Variants in ACTR6 observed in about 807,000 individuals in gnomAD.
ACTR6 encodes the protein actin-related protein 6.
In ACTR6, 50 loss-of-function variants were observed where a neutral mutation model predicts 52.5. The observed-to-expected ratio is 0.95, with a 90% CI of 0.76 to 1.20. ACTR6 has a LOEUF of 1.20. Among genes scored for constraint, ACTR6 ranks in the 50% most tolerant of loss-of-function variants. ACTR6 has a pLI of 0.00. For missense variants in ACTR6, 344 were observed against 472.4 expected (o/e 0.73, Z 2.52); for synonymous variants, 135 against 147.2 (o/e 0.92, Z 0.60).
At chr12:100,222,542 G>A (rs933330776) in intron 10 of ACTR6, among the ~76,000 whole-genome samples, 3 of 151,942 alleles carry the variant, frequency 2.0e-5, no homozygotes, top group Non-Finnish European at 2.9e-5. Context: ...ACAGGTATGA[G>A]CCACCATAAC....
chr12:100,212,378 A>G, intron 7 of ACTR6, 24 bp downstream of exon 7: 1 of 1,593,386 alleles, frequency 6.3e-7, no homozygotes. Flanking sequence ...CAATCTAAGA[A>G]TTGGAAAGTA....
intron 10 of ACTR6, among the ~76,000 whole-genome samples, 199 bp downstream of exon 10, chr12:100,220,345 C>G (rs2096127140): frequency 6.6e-6 from 1 of 152,112 alleles, no homozygotes; most frequent in African/African-American, 2.4e-5. Context: ...AAAGTGCCAG[C>G]CATAATGTTT....
At chr12:100,219,974 T>G (rs1305194550) in intron 9 of ACTR6, 34 bp from the exon 10 acceptor site, 14 of 1,607,506 alleles carry the variant, frequency 8.7e-6, no homozygotes, top group South Asian at 1.1e-5. Context: ...TCTAATGCCT[T>G]TTTTCCTTTC....
At chr12:100,209,964 G>C in intron 4 of ACTR6, 109 bp from the exon 5 acceptor site, 4 of 886,238 alleles carry the variant, frequency 4.5e-6, no homozygotes, top group South Asian at 3.8e-5. Flanking sequence ...CATTTTTCTT[G>C]TAATAAAGGG....
At position 100,210,488 on chromosome 12, in the gene ACTR6, G is replaced by A. The variant is rs1265003872; in HGVS notation, c.572+137G>A. The A allele has an allele frequency of 9.9e-6, 9 of 908,934 alleles. No individual in the cohort carries two copies. The East Asian group carries it at 2.4e-4, about 24-fold the overall frequency. 56.3% of individuals were successfully genotyped at this position (908,934 alleles called of 1,614,324 possible). A position where few individuals can be genotyped will look rare whatever the true frequency, so the allele number is the denominator to read the frequency against. On this transcript the variant is annotated intron_variant, in intron 6 of 10. Transcript: ENST00000188312. Reference sequence around the variant, plus strand: ...AATCCCAGCACATTGGGAGGCCGAGGTGGGTGCATCACTTGAGGCCAGGAG... The same window carrying A: ...AATCCCAGCACATTGGGAGGCCGAGATGGGTGCATCACTTGAGGCCAGGAG...
At chr12:100,219,160 TAAAAAAA>T (rs563553340) in intron 9 of ACTR6, among the ~76,000 whole-genome samples, 12 of 117,914 alleles carry the variant, frequency 1.0e-4, no homozygotes, top group Admixed American at 1.8e-4. Flanking sequence ...TTCCTCTCAT[TAAAAAAA>T]AAAAAAAAAA....
At position 100,220,162 on chromosome 12, in the gene ACTR6, T is replaced by C. The variant is rs1475252778; in HGVS notation, c.1061+16T>C. The C allele has an allele frequency of 2.5e-6, 4 of 1,603,742 alleles. No homozygotes were observed. Among genetic ancestry groups the C allele is most frequent in the African/African-American group, 1.3e-5 (1 of 74,716 alleles). On this transcript the variant is annotated intron_variant, in intron 10 of 10. Coordinates refer to ENST00000188312, the MANE Select transcript of ACTR6 (RefSeq NM_022496.5). ...TGCCTGAAAAGTAAGTGTTGTTTTA[T>C]ATAGAAACGAAACATGGAAGTCCAC... is the stretch of plus-strand genomic sequence containing the variant.
At position 100,204,961 on chromosome 12, in the gene ACTR6, C is replaced by A. The variant is rs2096113277; in HGVS notation, c.90C>A (p.Phe30Leu). The A allele has an allele frequency of 8.7e-6, 14 of 1,609,586 alleles. No homozygotes were observed. Among genetic ancestry groups the A allele is most frequent in the Non-Finnish European group, 1.1e-5 (13 of 1,176,524 alleles). ...ENVSVIPNCQ[F>L]RSKTARLKTF... ...CTAGGGTTATTCCTAATTGTCAGTT[C>A]CGGTCAAAAACAGCACGTCTTAAAA... The change falls in exon 2 of 11, where the codon TTC becomes TTA. Residue 30 changes from phenylalanine (F) to leucine (L), a missense_variant. Physicochemically the swap from Phe to Leu is conservative, Grantham distance 22 (BLOSUM62 0). Coordinates refer to ENST00000188312, the MANE Select transcript of ACTR6 (RefSeq NM_022496.5).
At position 100,205,036 on chromosome 12, in the gene ACTR6, T is replaced by C. The variant is rs768030046; in HGVS notation, c.165T>C (p.Phe55=). 8.8e-6 allele frequency: 14 copies of C among 1,591,114 alleles called. No individual in the cohort carries two copies. Among genetic ancestry groups the C allele is most frequent in the Admixed American group, 3.4e-5 (2 of 58,534 alleles). Residue 55 remains phenylalanine, a synonymous_variant, in exon 2 of 11, where the codon TTT becomes TTC. Coordinates refer to ENST00000188312, the MANE Select transcript of ACTR6 (RefSeq NM_022496.5). ...IDEIKDPSGL[F]YILPFQKGYL... ...AAATAAAAGACCCTTCTGGACTCTT[T>C]TACATCCTCCCTTTTCAAAAGGTAA...
intron 10 of ACTR6, 92 bp downstream of exon 10, chr12:100,220,238 G>A (rs879181674): frequency 2.1e-5 from 27 of 1,285,040 alleles, no homozygotes; most frequent in Non-Finnish European, 2.6e-5. Flanking sequence ...GCTCTCCCAC[G>A]GTGGCAGGTT....
intron 1 of ACTR6, chr12:100,201,182 T>A: frequency 7.3e-6 from 6 of 825,920 alleles, no homozygotes; most frequent in Non-Finnish European, 1.0e-5. Context: ...AATAGGCTTA[T>A]AGAGATGCGT....
chr12:100,202,641 G>A (rs1315309502), intron 1 of ACTR6, among the ~76,000 whole-genome samples: 1 of 152,100 alleles, frequency 6.6e-6, no homozygotes, highest in Non-Finnish European at 1.5e-5. Context: ...GGTGGATCAC[G>A]AGGTTAGGAG....
At chr12:100,207,205 C>T (rs772033280) in intron 3 of ACTR6, among the ~76,000 whole-genome samples, 3 of 151,920 alleles carry the variant, frequency 2.0e-5, no homozygotes, top group Admixed American at 6.6e-5. Context: ...AGGCATGCAC[C>T]GCCATGCCCT....
At chr12:100,205,292 T>C (rs188726229) in intron 2 of ACTR6, 93 of 346,654 alleles carry the variant, frequency 2.7e-4, no homozygotes, top group African/African-American at 1.5e-3. Context: ...TTTAAGAAAA[T>C]AAGTATAGGG....
chr12:100,216,412 C>T (rs1268687442), intron 8 of ACTR6, among the ~76,000 whole-genome samples: 4 of 152,254 alleles, frequency 2.6e-5, no homozygotes, highest in South Asian at 4.1e-4. Flanking sequence ...GTGATCCTCC[C>T]GCTTTGGCCT....
rs527577481 is a variant in ACTR6, at chr12:100,217,676, A to G, written c.751-739A>G. ...ATAGGCCTCATATAAAGTTAGCATT[A>G]TAAGGTAAGTTCAAGGATAAGGACC... On this transcript the variant is annotated intron_variant, in intron 8 of 10. Coordinates refer to ENST00000188312, the MANE Select transcript of ACTR6 (RefSeq NM_022496.5). 3.7e-4 allele frequency among the ~76,000 whole-genome samples: 56 copies of G among 152,332 alleles called. 1 individual carries two copies. Among genetic ancestry groups the G allele is most frequent in the Middle Eastern group, 6.8e-3 (2 of 294 alleles).
At chr12:100,208,956 A>C (rs1454466626) in intron 4 of ACTR6, 2 of 347,096 alleles carry the variant, frequency 5.8e-6, no homozygotes, top group Non-Finnish European at 1.1e-5. Context: ...TTTGTTGCCT[A>C]GGCTGGTCTC....
intron 4 of ACTR6, 67 bp downstream of exon 4, chr12:100,207,853 A>G (rs928941412): frequency 1.3e-6 from 2 of 1,529,016 alleles, no homozygotes; most frequent in African/African-American, 2.7e-5. Context: ...ATACTCATAA[A>G]GTCCCAAAAT....
intron 2 of ACTR6, 187 bp from the exon 3 acceptor site, chr12:100,205,489 T>C: frequency 2.7e-6 from 1 of 366,050 alleles, no homozygotes; most frequent in Non-Finnish European, 4.8e-6. Flanking sequence ...ATTTAAAGTA[T>C]AATAAAAAAA....
Sources: gnomAD v4.1 joint callset for allele counts (sites outside exome capture counted in the v4.1 genomes callset) on GRCh38, gnomAD v4.1.1 for gene constraint, MANE v1.5 for transcripts, NCBI Gene and HGNC (gene_info 2026-07-23, HGNC 2026-07-21) for gene names.